AXL: variants seen among roughly 807,000 people sequenced by gnomAD.
AXL encodes the protein AXL receptor tyrosine kinase, also known as tyrosine-protein kinase receptor UFO.
AXL carries 52 observed loss-of-function variants against 104.5 expected under a neutral mutation model. The ratio of observed to expected loss-of-function variants is 0.50; its 90% CI spans 0.40 to 0.63. AXL has a LOEUF of 0.63. Among genes scored for constraint, AXL ranks in the 20% least tolerant of loss-of-function variants. The probability of loss-of-function intolerance (pLI) is 0.00; values close to 1 mark genes in which losing one functional copy is unlikely to be tolerated. For missense variants in AXL, 1,024 were observed against 1,188.5 expected (o/e 0.86, Z 2.04); for synonymous variants, 455 against 473.7 (o/e 0.96, Z 0.51).
intron 2 of AXL, 34 bp downstream of exon 2, chr19:41,220,892 C>T (rs951551396): frequency 1.2e-6 from 2 of 1,604,756 alleles, no homozygotes; most frequent in Non-Finnish European, 8.5e-7. Context: ...CCACTCCCAC[C>T]TCCGTCACAC....
At chr19:41,254,376 CAAA>C (rs34633761) in intron 17 of AXL, among the ~76,000 whole-genome samples, 9 of 81,140 alleles carry the variant, frequency 1.1e-4, no homozygotes, top group Admixed American at 3.0e-4. Context: ...GACTCTGTCT[CAAA>C]AAAAAAAAAA....
intron 8 of AXL, 147 bp downstream of exon 8, chr19:41,238,756 A>T: frequency 8.0e-7 from 1 of 1,247,620 alleles, no homozygotes; most frequent in East Asian, 2.6e-5. Flanking sequence ...TCACATTCAC[A>T]TTCTGGGGAG....
At chr19:41,221,085 AC>A in intron 2 of AXL, 60 bp from the exon 3 acceptor site, 1 of 1,483,854 alleles carries the variant, frequency 6.7e-7, no homozygotes. Context: ...GTTCTGACAG[AC>A]CCCCTCCCAG....
chr19:41,245,728 A>G (rs1408375498), intron 12 of AXL, among the ~76,000 whole-genome samples: 4 of 151,974 alleles, frequency 2.6e-5, no homozygotes, highest in Non-Finnish European at 1.5e-5. Flanking sequence ...AAAAAAAAAA[A>G]AAAAAGGAAT....
intron 10 of AXL, among the ~76,000 whole-genome samples, chr19:41,241,898 C>A (rs955458346): frequency 6.6e-6 from 1 of 152,168 alleles, no homozygotes; most frequent in Admixed American, 6.6e-5. Context: ...TCATTGCATT[C>A]TCTTCAAAAG....
In AXL at chr19:41,225,773, C is replaced by T. The variant is rs374018255; in HGVS notation, c.586+3717C>T. On this transcript the variant is annotated intron_variant, in intron 4 of 19. Coordinates refer to ENST00000301178, the MANE Select transcript of AXL (RefSeq NM_021913.5). Reference sequence around the variant, plus strand: ...TGCATATCTGTGTGCCGTTAACTTACCAAGCGCTGCGTCTTCTGTGCTAAT... The same window carrying T: ...TGCATATCTGTGTGCCGTTAACTTATCAAGCGCTGCGTCTTCTGTGCTAAT... Among the ~76,000 whole-genome samples the T allele has an allele frequency of 1.5e-4, 23 of 152,238 alleles. No individual in the cohort carries two copies. The South Asian group carries it at 2.7e-3, about 18-fold the overall frequency.
chr19:41,229,110 C>T (rs1401241230), intron 4 of AXL, among the ~76,000 whole-genome samples: 1 of 151,802 alleles, frequency 6.6e-6, no homozygotes, highest in African/African-American at 2.4e-5. Flanking sequence ...CCACTATGCC[C>T]AGCTAATTTT....
At chr19:41,253,060 C>A in intron 16 of AXL, 93 bp downstream of exon 16, 1 of 1,391,328 alleles carries the variant, frequency 7.2e-7, no homozygotes, top group Non-Finnish European at 9.8e-7. Context: ...CCACGGTGAC[C>A]AGGAGCTTGC....
chr19:41,222,636 G>T (rs928838699), intron 4 of AXL, among the ~76,000 whole-genome samples: 1 of 152,238 alleles, frequency 6.6e-6, no homozygotes, highest in Admixed American at 6.5e-5. Context: ...GCTGGGCGTG[G>T]TGGCTCACGC....
chr19:41,253,756 C>A (rs1430145731), intron 17 of AXL, 48 bp downstream of exon 17: 1 of 1,436,270 alleles, frequency 7.0e-7, no homozygotes, highest in Non-Finnish European at 9.7e-7. Context: ...CCTGCACTCC[C>A]TGAGGGAGTT....
At position 41,239,740 on chromosome 19, in the gene AXL, A is replaced by G; in HGVS notation, c.1312+20A>G. ...AGCTGGGTAAGGGCTTCCACACCCC[A>G]TCTCCTCCTTCCCTACCCTCAACAC... On this transcript the variant is annotated intron_variant, in intron 10 of 19. Coordinates refer to ENST00000301178, the MANE Select transcript of AXL (RefSeq NM_021913.5). 6.2e-7 allele frequency: 1 copy of G among 1,613,768 alleles called. No homozygotes were observed.
rs1374502289 is a variant in AXL, at chr19:41,252,369, C to T, written c.1730C>T (p.Ser577Leu). ...CCTCAAGTTGCCATCTGCACGAGGT[C>T]AGAGCTGGAGGATTTCCTGAGTGAA... ...KTMKIAICTR[S>L]ELEDFLSEAV... The change falls in exon 15 of 20, where the codon TCA becomes TTA. Residue 577 changes from serine to leucine, a missense_variant. Ser to Leu is a moderately radical substitution (Grantham distance 145). Around this residue, in one of 5 missense-constraint regions of AXL, gnomAD observed 523 missense variants for 636.0 expected, o/e 0.82. Transcript: ENST00000301178. 25 of 1,613,686 alleles carry T rather than the reference C, an allele frequency of 1.5e-5. No homozygotes were observed. Among genetic ancestry groups the T allele is most frequent in the Non-Finnish European group, 2.0e-5 (24 of 1,179,928 alleles).
At position 41,260,375 on chromosome 19, in the gene AXL, A is replaced by C. The variant is rs1599746480; in HGVS notation, c.*471A>C. On this transcript the variant is annotated 3_prime_UTR_variant, in exon 20 of 20. Coordinates refer to ENST00000301178, the MANE Select transcript of AXL (RefSeq NM_021913.5). ...CACCCAGGCTGGAGTGCAGTGGTGC[A>C]ATCTCGCCTCACTGCAACCTTCACC... The C allele has an allele frequency of 1.4e-5, 2 of 144,224 alleles. No homozygotes were observed. The highest frequency in any genetic ancestry group is 2.5e-4 in the East Asian group (2 of 7,998). The allele number at this position is 144,224 out of a possible 1,614,324, so 8.9% of individuals were successfully genotyped here.
At chr19:41,235,369 AATAGATAG>A (rs71175697) in intron 6 of AXL, among the ~76,000 whole-genome samples, 1,900 of 80,638 alleles carry the variant, frequency 0.024, 29 homozygotes, top group Middle Eastern at 0.065. Flanking sequence ...TAAATAAATA[AATAGATAG>A]ATAGATAGAT....
chr19:41,247,529 C>T (rs879511644), intron 12 of AXL, among the ~76,000 whole-genome samples: 1 of 152,048 alleles, frequency 6.6e-6, no homozygotes, highest in African/African-American at 2.4e-5. Flanking sequence ...AGAAAATCCA[C>T]TGAGTTGCTT....
intron 12 of AXL, among the ~76,000 whole-genome samples, chr19:41,247,460 G>A (rs149726011): frequency 0.023 from 3,518 of 151,758 alleles, 151 homozygotes; most frequent in African/African-American, 0.08. Context: ...CCGAGATTGC[G>A]CCATCGCACT....
Position 41,221,242 on chromosome 19 carries a change from G to A in AXL, c.405G>A (p.Leu135=), listed in dbSNP as rs749443709. Residue 135 remains leucine (L), a synonymous_variant, in exon 3 of 20, where the codon CTG becomes CTA. Transcript: ENST00000301178. ...TGTCCCAGCCTGGCTATGTTGGGCT[G>A]GAGGGTGAGCTCTGGGGTCAGGGGT... ...TFVSQPGYVG[L]EGLPYFLEEP... 6.2e-7 allele frequency: 1 copy of A among 1,613,720 alleles called. No individual in the cohort carries two copies. Among genetic ancestry groups the A allele is most frequent in the Admixed American group, 1.7e-5 (1 of 59,964 alleles).
At chr19:41,245,713 CAAAA>C (rs371879527) in intron 12 of AXL, among the ~76,000 whole-genome samples, 5 of 62,926 alleles carry the variant, frequency 7.9e-5, no homozygotes, top group African/African-American at 1.1e-4. Context: ...GACACCGTCT[CAAAA>C]AAAAAAAAAA....
At chr19:41,236,953 T>C (rs1355987895) in intron 6 of AXL, among the ~76,000 whole-genome samples, 4 of 152,184 alleles carry the variant, frequency 2.6e-5, no homozygotes, top group Non-Finnish European at 5.9e-5. Context: ...TGTGATTTTT[T>C]TTTTTAACGC....
Sources: gnomAD v4.1 joint callset for allele counts (sites outside exome capture counted in the v4.1 genomes callset) on GRCh38, gnomAD v4.1.1 for gene constraint, gnomAD v4.1.1 regional missense constraint, MANE v1.5 for transcripts, NCBI Gene and HGNC (gene_info 2026-07-23, HGNC 2026-07-21) for gene names.